CRISP2: variants seen among roughly 807,000 people sequenced by gnomAD.
The protein encoded by CRISP2 is cysteine-rich secretory protein 2.
CRISP2 carries 29 observed loss-of-function variants against 31.7 expected under a neutral mutation model. That is an observed-to-expected ratio of 0.92 (90% CI 0.68 to 1.25). CRISP2 has a LOEUF of 1.25. CRISP2 is among the 50% of genes most tolerant of loss of function. CRISP2 has a pLI of 0.00. For missense variants in CRISP2, 318 were observed against 286.5 expected, an observed-to-expected ratio of 1.11 and a Z score of -0.79; for synonymous variants, 111 against 101.4, an observed-to-expected ratio of 1.09 and a Z score of -0.57.
chr6:49,699,862 G>C lies in CRISP2; in HGVS notation c.213C>G (p.Ala71=), dbSNP rs960946202. 4 of 1,612,250 alleles carry C rather than the reference G, an allele frequency of 2.5e-6. No homozygotes were observed. The highest frequency in any genetic ancestry group is 3.4e-6 in the Non-Finnish European group (4 of 1,179,098). The part of the protein sequence containing the change: ...MEWSREVTTN[A]QRWANKCTLQ... ...AAGTGCACTTGTTTGCCCACCTTTG[G>C]GCATTCGTTGTTACCTCTCTGCTCC... Residue 71 remains alanine (A), a synonymous_variant, in exon 6 of 10, where the codon GCC becomes GCG. Transcript: ENST00000339139.
At chr6:49,701,457 C>T (rs1765665966) in intron 4 of CRISP2, among the ~76,000 whole-genome samples, 1 of 138,688 alleles carries the variant, frequency 7.2e-6, no homozygotes, top group African/African-American at 2.7e-5. Flanking sequence ...GCCATTATTT[C>T]ATTTCTTTTT....
rs1245680206 is a variant in CRISP2, at chr6:49,698,003, G to T, written c.418-46C>A. ...AAATATATAAAAGTACATTAGAGAA[G>T]ATGAAAAATATTTAAAAAAGTAGCA... On this transcript the variant is annotated intron_variant, in intron 7 of 9. Transcript: ENST00000339139. 3 of 1,394,762 alleles carry T rather than the reference G, an allele frequency of 2.2e-6. No homozygotes were observed. The Admixed American group carries it at 6.9e-5, about 32-fold the overall frequency. The allele number at this position is 1,394,762 out of a possible 1,614,324, so 86.4% of individuals were successfully genotyped here. A position where few individuals can be genotyped will look rare whatever the true frequency, so the allele number is the denominator to read the frequency against.
chr6:49,707,965 TC>T (rs1767355967), intron 4 of CRISP2, among the ~76,000 whole-genome samples: 1 of 152,222 alleles, frequency 6.6e-6, no homozygotes, highest in African/African-American at 2.4e-5. Flanking sequence ...AACTCTATTA[TC>T]ACTACTAAAC....
chr6:49,678,152 C>G, the CRISP2 span, among the ~76,000 whole-genome samples: 1 of 152,122 alleles, frequency 6.6e-6, no homozygotes, highest in Non-Finnish European at 1.5e-5. Flanking sequence ...AAATAGAATA[C>G]TAGAAAGGTG....
the CRISP2 span, among the ~76,000 whole-genome samples, chr6:49,682,612 TTTC>T: frequency 1.5e-5 from 1 of 68,112 alleles, no homozygotes; most frequent in East Asian, 9.1e-4. Context: ...TCTTTCTTTC[TTTC>T]TTTCTTTCTT....
intron 5 of CRISP2, among the ~76,000 whole-genome samples, 186 bp downstream of exon 5, chr6:49,700,482 G>A (rs1229232456): frequency 6.6e-6 from 1 of 152,112 alleles, no homozygotes; most frequent in Non-Finnish European, 1.5e-5. Context: ...CTGTATAATT[G>A]AGTTTTTTTA....
intron 9 of CRISP2, among the ~76,000 whole-genome samples, chr6:49,693,629 G>A (rs952237634): frequency 1.2e-4 from 18 of 152,098 alleles, no homozygotes; most frequent in African/African-American, 3.9e-4. Context: ...CACAATCTAA[G>A]GGAAATGAAG....
chr6:49,698,395 C>T lies in CRISP2; in HGVS notation c.384G>A (p.Lys128=), dbSNP rs770262338. ...ILDFVYGVGP[K]SPNAVVGHYT... is the part of the protein sequence containing the mutation. ...AATGTCCAACAACTGCATTGGGACT[C>T]TTTGGTCCTACACCATAGACAAAAT... The change falls in exon 7 of 10, where the codon AAG becomes AAA. Residue 128 remains lysine (K), a synonymous_variant. Transcript: ENST00000339139. 2.5e-6 allele frequency: 4 copies of T among 1,613,392 alleles called. No individual in the cohort carries two copies. Among genetic ancestry groups the T allele is most frequent in the Non-Finnish European group, 3.4e-6 (4 of 1,179,622 alleles).
the CRISP2 span, among the ~76,000 whole-genome samples, chr6:49,677,999 C>CT: frequency 6.6e-6 from 1 of 152,258 alleles, no homozygotes; most frequent in East Asian, 1.9e-4. Flanking sequence ...GCAACCTCCT[C>CT]TGCTGGAGTT....
chr6:49,682,836 C>T, the CRISP2 span, among the ~76,000 whole-genome samples: 1 of 148,892 alleles, frequency 6.7e-6, no homozygotes, highest in African/African-American at 2.5e-5. Context: ...CCATCCCTTC[C>T]TCCCTTCCTC....
At chr6:49,697,584 A>G (rs1764979794) in intron 8 of CRISP2, 4 of 603,376 alleles carry the variant, frequency 6.6e-6, no homozygotes, top group Admixed American at 5.3e-5. Context: ...CATATTACAC[A>G]TGCTCACAGA....
intron 4 of CRISP2, among the ~76,000 whole-genome samples, chr6:49,701,075 A>G (rs1462296683): frequency 6.6e-6 from 1 of 152,090 alleles, no homozygotes; most frequent in Admixed American, 6.6e-5. Flanking sequence ...AACTCATGGC[A>G]TGACAAACTA....
downstream of CRISP2, among the ~76,000 whole-genome samples, chr6:49,691,587 C>G (rs931900498): frequency 6.6e-6 from 1 of 151,706 alleles, no homozygotes; most frequent in African/African-American, 2.4e-5. Context: ...AGCGATAGAT[C>G]TCTCTCTATA....
chr6:49,677,206 G>A, the CRISP2 span, among the ~76,000 whole-genome samples: 664 of 152,198 alleles, frequency 4.4e-3, 10 homozygotes, highest in African/African-American at 0.015. Context: ...TTATCTTGGC[G>A]ATGGTTTCAT....
In CRISP2 at chr6:49,697,867, A is replaced by T; in HGVS notation, c.508T>A (p.Cys170Ser). ...SLKYYYVCQY[C>S]PAGNNMNRKN... ...TCTAAACAGTCTACTTACGCAGGAC[A>T]ATATTGGCAAACATAGTAGTATTTT... Residue 170 changes from cysteine to serine, a missense_variant, in exon 8 of 10, where the codon TGT becomes AGT. Transcript: ENST00000339139. 1 of 1,611,502 alleles carries T rather than the reference A, an allele frequency of 6.2e-7. No homozygotes were observed. Among genetic ancestry groups the T allele is most frequent in the Non-Finnish European group, 8.5e-7 (1 of 1,178,314 alleles).
rs747260805 is a variant in CRISP2 at position 49,697,859 on chromosome 6, CG to C, written c.515del (p.Ala172ValfsTer5). The C allele has an allele frequency of 2.3e-5, 37 of 1,610,712 alleles. No homozygotes were observed. Among genetic ancestry groups the C allele is most frequent in the Admixed American group, 3.3e-5 (2 of 59,846 alleles). ...CATTAAACTCTAAACAGTCTACTTA[CG>C]CAGGACAATATTGGCAAACATAGTA... ...KYYYVCQYCP[A>X]GNNMNRKNTP... On this transcript the variant is annotated frameshift_variant and splice_region_variant, in exon 8 of 10. Coordinates refer to ENST00000339139, the MANE Select transcript of CRISP2 (RefSeq NM_003296.4). LOFTEE classifies it high-confidence loss of function.
At chr6:49,699,775 AT>A in intron 6 of CRISP2, 28 bp downstream of exon 6, 1 of 1,434,136 alleles carries the variant, frequency 7.0e-7, no homozygotes, top group Non-Finnish European at 9.8e-7. Flanking sequence ...TCATTTATTT[AT>A]TCAACAAATA....
At chr6:49,697,692 G>C (rs1406148950) in intron 8 of CRISP2, 168 bp downstream of exon 8, 1 of 1,511,976 alleles carries the variant, frequency 6.6e-7, no homozygotes, top group Admixed American at 2.0e-5. Flanking sequence ...GTGAGAAGTT[G>C]TTCTCCTCTG....
At chr6:49,684,613 T>G in the CRISP2 span, among the ~76,000 whole-genome samples, 1 of 152,214 alleles carries the variant, frequency 6.6e-6, no homozygotes, top group Non-Finnish European at 1.5e-5. Flanking sequence ...CCTCTTACTC[T>G]TGAATATCTT....
Sources: gnomAD v4.1 joint callset for allele counts (sites outside exome capture counted in the v4.1 genomes callset) on GRCh38, gnomAD v4.1.1 for gene constraint, MANE v1.5 for transcripts, NCBI Gene and HGNC (gene_info 2026-07-23, HGNC 2026-07-21) for gene names.